The following SLCO6A1 variants were observed in gnomAD, a reference collection of about 807,000 sequenced individuals.
The protein encoded by SLCO6A1 is solute carrier organic anion transporter family member 6A1.
A neutral mutation model predicts 72.7 loss-of-function variants in SLCO6A1; 65 were observed. That is an observed-to-expected ratio of 0.89 (90% confidence interval 0.73 to 1.10). SLCO6A1 has a LOEUF of 1.10. SLCO6A1 is among the 50% of genes least tolerant of loss of function. SLCO6A1 has a pLI of 0.00. For synonymous variants in SLCO6A1, 314 were observed against 298.2 expected, an observed-to-expected ratio of 1.05 and a Z score of -0.55; for missense variants, 874 against 872.6, an observed-to-expected ratio of 1.00 and a Z score of -0.02.
rs770049885 is a variant in SLCO6A1, at chr5:102,480,230, C to A, written c.563G>T (p.Cys188Phe). 1.2e-6 allele frequency: 2 copies of A among 1,612,680 alleles called. No homozygotes were observed. Residue 188 changes from cysteine to phenylalanine, a missense_variant, in exon 2 of 14, where the codon TGT becomes TTT. Cys to Phe is a radical substitution (Grantham distance 205). Coordinates refer to ENST00000506729, the MANE Select transcript of SLCO6A1 (RefSeq NM_173488.5). ...SFLIGLGSLL[C>F]AFPSINEENK... ...TTCTTCATTAATGGATGGAAAAGCA[C>A]ATAAAAGTGATCCAAGTCCTATTAA...
chr5:102,433,177 T>C (rs10037939), intron 7 of SLCO6A1, among the ~76,000 whole-genome samples: 98,411 of 152,002 alleles, frequency 0.65, 32,057 homozygotes, highest in African/African-American at 0.67. Flanking sequence ...CCGTATACTT[T>C]GTGATTCCTA....
intron 6 of SLCO6A1, among the ~76,000 whole-genome samples, chr5:102,442,219 C>G (rs1021581644): frequency 3.3e-5 from 5 of 152,086 alleles, no homozygotes; most frequent in African/African-American, 1.2e-4. Context: ...TTATATTACA[C>G]TAGGCAGATT....
chr5:102,496,850 CT>C (rs1561508337), intron 1 of SLCO6A1, among the ~76,000 whole-genome samples: 1 of 152,198 alleles, frequency 6.6e-6, no homozygotes, highest in Non-Finnish European at 1.5e-5. Context: ...ACAAGCCTTT[CT>C]AAAACAAAAC....
intron 6 of SLCO6A1, among the ~76,000 whole-genome samples, chr5:102,439,379 A>T (rs2112682550): frequency 6.6e-6 from 1 of 152,272 alleles, no homozygotes; most frequent in Non-Finnish European, 1.5e-5. Flanking sequence ...ATAGTAAAAT[A>T]TTAACTTTCA....
chr5:102,372,762 G>T (rs756845897), intron 13 of SLCO6A1, among the ~76,000 whole-genome samples: 1 of 151,156 alleles, frequency 6.6e-6, no homozygotes, highest in East Asian at 1.9e-4. Flanking sequence ...TAAGATTAAC[G>T]AAACATCAAA....
intron 10 of SLCO6A1, among the ~76,000 whole-genome samples, chr5:102,396,655 TGTAGGGGGTGGGTGAGTGGG>T (rs1283146485): frequency 6.6e-6 from 1 of 152,158 alleles, no homozygotes; most frequent in Non-Finnish European, 1.5e-5. Flanking sequence ...TATTTGAGTG[TGTAGGGGGTGGGTGAGTGGG>T]GTTTGTTGTT....
intron 10 of SLCO6A1, among the ~76,000 whole-genome samples, chr5:102,398,127 T>C (rs1415816742): frequency 2.0e-5 from 3 of 152,186 alleles, no homozygotes; most frequent in Non-Finnish European, 4.4e-5. Context: ...AGTCTGGATA[T>C]AATCATAGAT....
At chr5:102,435,027 G>A (rs1749452572) in intron 7 of SLCO6A1, among the ~76,000 whole-genome samples, 1 of 152,154 alleles carries the variant, frequency 6.6e-6, no homozygotes, top group Admixed American at 6.5e-5. Context: ...CCAATAGCTG[G>A]GTTGACTGGA....
At chr5:102,411,147 A>G (rs1747954331) in intron 9 of SLCO6A1, among the ~76,000 whole-genome samples, 1 of 152,144 alleles carries the variant, frequency 6.6e-6, no homozygotes, top group Non-Finnish European at 1.5e-5. Flanking sequence ...GTTTCGTTCA[A>G]CTTTGCTATG....
rs772278100 is a variant in SLCO6A1, at chr5:102,498,470, G to A, written c.358+17C>T. The A allele has an allele frequency of 3.1e-6, 5 of 1,600,730 alleles. No individual in the cohort carries two copies. In the South Asian group the frequency reaches 5.5e-5, roughly 18 times the overall value. ...CCAGCTGCCCTCGCCACAACAAACC[G>A]CCTCCTTCAGGCTCACCTTGACATA... On this transcript the variant is annotated intron_variant, in intron 1 of 13. Transcript: ENST00000506729.
At chr5:102,436,024 A>G (rs1390505520) in intron 7 of SLCO6A1, among the ~76,000 whole-genome samples, 6 of 152,218 alleles carry the variant, frequency 3.9e-5, no homozygotes, top group Non-Finnish European at 7.3e-5. Flanking sequence ...TACATTTAAT[A>G]TACTGTATTA....
chr5:102,462,305 T>C (rs1190283073), intron 4 of SLCO6A1, among the ~76,000 whole-genome samples: 1 of 152,272 alleles, frequency 6.6e-6, no homozygotes, highest in East Asian at 1.9e-4. Context: ...AAAATGACCA[T>C]ACTGCCAAAA....
At chr5:102,450,437 G>C (rs1220357990) in intron 6 of SLCO6A1, among the ~76,000 whole-genome samples, 1 of 152,250 alleles carries the variant, frequency 6.6e-6, no homozygotes, top group Non-Finnish European at 1.5e-5. Context: ...CAATCCAGTA[G>C]ATGGCACTTA....
At chr5:102,380,356 G>A (rs1425075947) in intron 12 of SLCO6A1, among the ~76,000 whole-genome samples, 3 of 151,970 alleles carry the variant, frequency 2.0e-5, no homozygotes, top group Non-Finnish European at 2.9e-5. Flanking sequence ...AGCATTAGAT[G>A]AGTCATCCTA....
chr5:102,498,497 G>T lies in SLCO6A1; in HGVS notation c.348C>A (p.Leu116=). The T allele has an allele frequency of 6.2e-7, 1 of 1,613,056 alleles. No individual in the cohort carries two copies. Among genetic ancestry groups the T allele is most frequent in the South Asian group, 1.1e-5 (1 of 91,022 alleles). ...RCFMIFYCIL[L]ICQGVVFGLI... is the part of the protein sequence containing the mutation. ...CTCCTTCAGGCTCACCTTGACATATGAGCAGGATGCAGTAGAAAATCATGA... is the reference window on the plus strand; with the variant it reads ...CTCCTTCAGGCTCACCTTGACATATTAGCAGGATGCAGTAGAAAATCATGA... The change falls in exon 1 of 14, where the codon CTC becomes CTA. Residue 116 remains leucine (L), a synonymous_variant. Coordinates refer to ENST00000506729, the MANE Select transcript of SLCO6A1 (RefSeq NM_173488.5).
At chr5:102,438,141 A>T (rs979225126) in intron 7 of SLCO6A1, among the ~76,000 whole-genome samples, 14 of 152,108 alleles carry the variant, frequency 9.2e-5, no homozygotes, top group African/African-American at 1.2e-4. Flanking sequence ...ATAATACATA[A>T]ACAATAGTAT....
chr5:102,445,943 C>T (rs1750085984), intron 6 of SLCO6A1, among the ~76,000 whole-genome samples: 1 of 152,088 alleles, frequency 6.6e-6, no homozygotes, highest in Non-Finnish European at 1.5e-5. Context: ...GTTTATGTAC[C>T]AGTACCATGC....
intron 4 of SLCO6A1, among the ~76,000 whole-genome samples, chr5:102,472,334 G>C (rs983151092): frequency 2.6e-5 from 4 of 152,092 alleles, no homozygotes; most frequent in Non-Finnish European, 4.4e-5. Flanking sequence ...GAACTAGCAG[G>C]ATAGTTTCCA....
intron 10 of SLCO6A1, among the ~76,000 whole-genome samples, chr5:102,393,523 C>T (rs557773635): frequency 6.6e-5 from 10 of 152,206 alleles, no homozygotes; most frequent in South Asian, 4.2e-4. Flanking sequence ...ATACCCTCCC[C>T]GAATCCCCAG....
Sources: gnomAD v4.1 joint callset for allele counts (sites outside exome capture counted in the v4.1 genomes callset) on GRCh38, gnomAD v4.1.1 for gene constraint, MANE v1.5 for transcripts, NCBI Gene and HGNC (gene_info 2026-07-23, HGNC 2026-07-21) for gene names.